Variants in PTPRD observed in about 807,000 individuals in gnomAD.
PTPRD encodes receptor-type tyrosine-protein phosphatase delta.
A neutral mutation model predicts 214.5 loss-of-function variants in PTPRD; 34 were observed. That is an observed-to-expected ratio of 0.16 (90% CI 0.12 to 0.21). PTPRD has a LOEUF of 0.21. PTPRD is among the 10% of genes least tolerant of loss of function. The pLI is 1.00. For missense variants in PTPRD, 2,545 were observed against 2,398.7 expected (o/e 1.06, Z -1.27); for synonymous variants, 1,128 against 845.7 (o/e 1.33, Z -5.79).
chr9:10,479,936 G>C (rs1399078472), intron 2 of PTPRD, among the ~76,000 whole-genome samples: 1 of 152,072 alleles, frequency 6.6e-6, no homozygotes, highest in African/African-American at 2.4e-5. Context: ...AAAATCCGGG[G>C]TCTTAAAATT....
intron 14 of PTPRD, among the ~76,000 whole-genome samples, chr9:8,534,852 T>C (rs2076552232): frequency 6.6e-6 from 1 of 151,868 alleles, no homozygotes; most frequent in Admixed American, 6.6e-5. Context: ...TAAAACAAGA[T>C]ATTTATGAAA....
At chr9:8,645,791 T>C (rs141729161) in intron 12 of PTPRD, among the ~76,000 whole-genome samples, 28 of 125,636 alleles carry the variant, frequency 2.2e-4, no homozygotes, top group Admixed American at 4.3e-4. Flanking sequence ...CATCTCAAAA[T>C]TGTTGTGTTG....
chr9:9,979,396 G>A (rs2095466654), intron 4 of PTPRD, among the ~76,000 whole-genome samples: 1 of 151,818 alleles, frequency 6.6e-6, no homozygotes, highest in African/African-American at 2.4e-5. Flanking sequence ...TGTATCTTCT[G>A]GAAAAATATA....
At chr9:10,394,051 A>G in intron 2 of PTPRD, among the ~76,000 whole-genome samples, 1 of 146,218 alleles carries the variant, frequency 6.8e-6, no homozygotes, top group East Asian at 2.0e-4. Flanking sequence ...ACCCATATAT[A>G]CATATTATAT....
intron 5 of PTPRD, among the ~76,000 whole-genome samples, chr9:9,822,806 G>A (rs375562882): frequency 7.9e-5 from 12 of 151,926 alleles, no homozygotes; most frequent in Non-Finnish European, 1.5e-4. Context: ...GATTCTCAGC[G>A]AAATAATAAT....
At chr9:9,713,611 G>C (rs1397870290) in intron 7 of PTPRD, among the ~76,000 whole-genome samples, 1 of 152,146 alleles carries the variant, frequency 6.6e-6, no homozygotes, top group Non-Finnish European at 1.5e-5. Flanking sequence ...GCAAAATTGA[G>C]CTGGTCCTTG....
chr9:8,964,774 A>T (rs2099181980), intron 11 of PTPRD, among the ~76,000 whole-genome samples: 1 of 152,134 alleles, frequency 6.6e-6, no homozygotes, highest in African/African-American at 2.4e-5. Context: ...ACTTACTTCA[A>T]ATAATTTTAT....
intron 4 of PTPRD, among the ~76,000 whole-genome samples, chr9:9,954,868 G>C (rs1459351057): frequency 6.6e-6 from 1 of 152,044 alleles, no homozygotes; most frequent in Non-Finnish European, 1.5e-5. Context: ...TATTACAAAG[G>C]AATGAGATCA....
intron 21 of PTPRD, among the ~76,000 whole-genome samples, chr9:8,510,139 A>T (rs2097647855): frequency 1.3e-5 from 2 of 152,096 alleles, no homozygotes; most frequent in Admixed American, 1.3e-4. Context: ...AAAACTTAAA[A>T]AAATCAGCTG....
intron 3 of PTPRD, among the ~76,000 whole-genome samples, chr9:10,148,632 A>C (rs1230263838): frequency 1.3e-5 from 2 of 152,214 alleles, no homozygotes; most frequent in African/African-American, 4.8e-5. Flanking sequence ...CTGAACTGTT[A>C]TTACACATCA....
intron 8 of PTPRD, among the ~76,000 whole-genome samples, chr9:9,430,907 A>G (rs1383302991): frequency 1.3e-5 from 2 of 152,206 alleles, no homozygotes; most frequent in East Asian, 1.9e-4. Flanking sequence ...TTAATTCAAG[A>G]TGGATTAAAG....
In PTPRD at chr9:8,978,717, T is replaced by C. The variant is rs146993179; in HGVS notation, c.-104+39980A>G. ...ACATAGCCTTGGACGGCAATACTGC[T>C]TTGGAGGGAGAGACACAAGGAACAA... On this transcript the variant is annotated intron_variant, in intron 11 of 45. Coordinates refer to ENST00000381196, the MANE Select transcript of PTPRD (RefSeq NM_002839.4). Among the ~76,000 whole-genome samples the C allele has an allele frequency of 4.3e-3, 659 of 152,194 alleles. 3 individuals are homozygous for C. Among genetic ancestry groups the C allele is most frequent in the Non-Finnish European group, 7.5e-3 (511 of 67,996 alleles).
chr9:9,829,105 T>C (rs561457912), intron 5 of PTPRD, among the ~76,000 whole-genome samples: 94 of 152,026 alleles, frequency 6.2e-4, no homozygotes, highest in Admixed American at 2.6e-3. Context: ...CATTTATCTA[T>C]GACTTTGCTA....
At chr9:10,189,426 A>T (rs944717672) in intron 3 of PTPRD, among the ~76,000 whole-genome samples, 19 of 152,180 alleles carry the variant, frequency 1.2e-4, no homozygotes, top group African/African-American at 4.3e-4. Context: ...ATTAAATGTG[A>T]TAACACCACT....
chr9:9,649,154 G>C (rs1443334890), intron 7 of PTPRD, among the ~76,000 whole-genome samples: 3 of 152,216 alleles, frequency 2.0e-5, no homozygotes, highest in African/African-American at 7.2e-5. Flanking sequence ...ATATCATGTA[G>C]CCATATATCA....
intron 14 of PTPRD, among the ~76,000 whole-genome samples, chr9:8,547,571 A>T (rs1399113141): frequency 2.7e-5 from 4 of 146,692 alleles, no homozygotes; most frequent in African/African-American, 7.5e-5. Context: ...TGGGCCCAGG[A>T]GGTTGAGGCT....
chr9:8,920,753 A>C (rs1254117510), intron 11 of PTPRD, among the ~76,000 whole-genome samples: 7 of 152,196 alleles, frequency 4.6e-5, no homozygotes, highest in African/African-American at 1.7e-4. Context: ...AGAATACTAA[A>C]ACATGACACA....
intron 10 of PTPRD, among the ~76,000 whole-genome samples, chr9:9,054,306 C>T (rs781064268): frequency 5.3e-5 from 8 of 152,144 alleles, no homozygotes; most frequent in African/African-American, 9.7e-5. Flanking sequence ...GAGACACTTG[C>T]GTCTTGTTCA....
rs368607906 is a variant in PTPRD, at chr9:9,072,697, G to A, written c.-142-53962C>T. On this transcript the variant is annotated intron_variant, in intron 10 of 45. Transcript: ENST00000381196. ...TGTGATTTGTATTACTATGATAATC[G>A]TCATTTTGCACATGGGAAATCTTAC... is the stretch of plus-strand genomic sequence containing the variant. 7.8e-4 allele frequency among the ~76,000 whole-genome samples: 119 copies of A among 152,156 alleles called. 3 individuals are homozygous for A. The South Asian group carries it at 0.022, about 28-fold the overall frequency.
Sources: gnomAD v4.1 joint callset for allele counts (sites outside exome capture counted in the v4.1 genomes callset) on GRCh38, gnomAD v4.1.1 for gene constraint, MANE v1.5 for transcripts, NCBI Gene and HGNC (gene_info 2026-07-23, HGNC 2026-07-21) for gene names.